The following FAM13B variants were observed in gnomAD, a reference collection of about 807,000 sequenced individuals.
FAM13B encodes family with sequence similarity 13 member B, also known as protein FAM13B.
A neutral mutation model predicts 117.3 loss-of-function variants in FAM13B; 60 were observed. That is an observed-to-expected ratio of 0.51 (90% CI 0.42 to 0.63). FAM13B has a LOEUF of 0.63. FAM13B is among the 30% of genes least tolerant of loss of function. The pLI is 0.00. For missense variants in FAM13B, 972 were observed against 1,091.9 expected (o/e 0.89, Z 1.55); for synonymous variants, 332 against 356.1 (o/e 0.93, Z 0.76).
chr5:138,011,289 T>G, intron 5 of FAM13B, 140 bp from the exon 6 acceptor site: 1 of 743,910 alleles, frequency 1.3e-6, no homozygotes, highest in Non-Finnish European at 2.2e-6. Context: ...CTGTAAAACC[T>G]ACCTAATTTG....
rs541956385 is a variant in FAM13B, at chr5:137,994,853, T to A, written c.849-6538A>T. ...AATCATCTTGAGAACATAAGATCAATCTTGCAACCACTTACTCCAGTCACT... is the reference window on the plus strand; with the variant it reads ...AATCATCTTGAGAACATAAGATCAAACTTGCAACCACTTACTCCAGTCACT... On this transcript the variant is annotated intron_variant, in intron 7 of 23. Transcript: ENST00000689681. 9.2e-5 allele frequency among the ~76,000 whole-genome samples: 14 copies of A among 152,356 alleles called. No homozygotes were observed. In the East Asian group the frequency reaches 2.7e-3, roughly 29 times the overall value.
chr5:137,942,642 C>A, intron 22 of FAM13B: 1 of 461,766 alleles, frequency 2.2e-6, no homozygotes, highest in Admixed American at 4.0e-5. Flanking sequence ...GGATTATAGG[C>A]ATGAGCCACT....
At chr5:137,968,898 C>T (rs377495156) in intron 10 of FAM13B, among the ~76,000 whole-genome samples, 4 of 152,200 alleles carry the variant, frequency 2.6e-5, no homozygotes, top group African/African-American at 7.2e-5. Flanking sequence ...TACGCTTTTC[C>T]GACGGGCTTA....
At chr5:138,021,579 A>C (rs1786724932) in intron 1 of FAM13B, among the ~76,000 whole-genome samples, 1 of 152,212 alleles carries the variant, frequency 6.6e-6, no homozygotes, top group Non-Finnish European at 1.5e-5. Flanking sequence ...TCAAAAGATC[A>C]AAGAATCAAA....
chr5:137,982,573 T>C (rs1281839104), intron 10 of FAM13B, among the ~76,000 whole-genome samples: 1 of 152,010 alleles, frequency 6.6e-6, no homozygotes, highest in East Asian at 1.9e-4. Context: ...ATCTACCCTA[T>C]ACCTGGATGA....
intron 10 of FAM13B, among the ~76,000 whole-genome samples, chr5:137,974,623 A>T (rs35051918): frequency 0.41 from 58,525 of 141,776 alleles, 11,999 homozygotes; most frequent in East Asian, 0.66. Context: ...AATAAATAAA[A>T]AAAAGAAAAA....
At position 137,940,105 on chromosome 5, in the gene FAM13B, G is replaced by C. The variant is rs1209901201; in HGVS notation, c.*120C>G. 8.7e-6 allele frequency: 14 copies of C among 1,613,970 alleles called. No homozygotes were observed. The highest frequency in any genetic ancestry group is 1.1e-5 in the Non-Finnish European group (13 of 1,180,002). ...TTTTGTTTAGTGGCACCACAACCAA[G>C]TACAAAATGAGATTCTCTGAGTGCC... On this transcript the variant is annotated 3_prime_UTR_variant, in exon 24 of 24. Coordinates refer to ENST00000689681, the MANE Select transcript of FAM13B (RefSeq NM_001385994.1).
chr5:138,040,528 C>T (rs747176283), intron 1 of FAM13B, among the ~76,000 whole-genome samples: 1 of 151,854 alleles, frequency 6.6e-6, no homozygotes, highest in African/African-American at 2.4e-5. Context: ...GCCGAGATCG[C>T]GCCACTGCAC....
chr5:138,034,484 A>G (rs1456602815), upstream of FAM13B, among the ~76,000 whole-genome samples: 1 of 152,222 alleles, frequency 6.6e-6, no homozygotes, highest in Non-Finnish European at 1.5e-5. Flanking sequence ...TACATACCCA[A>G]TAAGAAGGGA....
chr5:138,003,005 C>T (rs1214014597), intron 7 of FAM13B, among the ~76,000 whole-genome samples: 1 of 151,940 alleles, frequency 6.6e-6, no homozygotes, highest in Non-Finnish European at 1.5e-5. Flanking sequence ...TGCTTCATTC[C>T]ACTTCAATTT....
chr5:137,942,247 G>C, intron 22 of FAM13B: 1 of 577,958 alleles, frequency 1.7e-6, no homozygotes, highest in Non-Finnish European at 3.1e-6. Flanking sequence ...TGAAGTCAGG[G>C]CTCAGAACCA....
At chr5:138,013,100 G>A (rs1784443543) in intron 4 of FAM13B, among the ~76,000 whole-genome samples, 1 of 152,162 alleles carries the variant, frequency 6.6e-6, no homozygotes, top group Non-Finnish European at 1.5e-5. Context: ...CTACTCAGGA[G>A]GCTGAGGTGA....
At chr5:137,961,961 T>C (rs1768240704) in intron 11 of FAM13B, among the ~76,000 whole-genome samples, 1 of 152,190 alleles carries the variant, frequency 6.6e-6, no homozygotes, top group Non-Finnish European at 1.5e-5. Context: ...AAGCACCAGC[T>C]GCCTAAGAGT....
chr5:137,959,732 G>A lies in FAM13B; in HGVS notation c.1325C>T (p.Ala442Val). 6.2e-7 allele frequency: 1 copy of A among 1,613,710 alleles called. No homozygotes were observed. Among genetic ancestry groups the A allele is most frequent in the Non-Finnish European group, 8.5e-7 (1 of 1,179,766 alleles). ...TCCTGGTACTTCTGATTCAGTGTTG[G>A]CATTCAAATCACATATCTTGCTACT... ...DSSSKICDLN[A>V]NTESEVPGGQ... Residue 442 changes from alanine (A) to valine (V), a missense_variant, in exon 13 of 24, where the codon GCC becomes GTC. Transcript: ENST00000689681.
chr5:137,944,209 T>C (rs920595479), intron 20 of FAM13B, among the ~76,000 whole-genome samples: 1 of 152,244 alleles, frequency 6.6e-6, no homozygotes, highest in Non-Finnish European at 1.5e-5. Context: ...CATTGTTTTT[T>C]ATGGCTGAAG....
At chr5:137,976,114 G>C (rs975296761) in intron 10 of FAM13B, among the ~76,000 whole-genome samples, 1 of 151,560 alleles carries the variant, frequency 6.6e-6, no homozygotes, top group East Asian at 1.9e-4. Context: ...CTGCCACCAC[G>C]CCTGGCTAAT....
At chr5:138,020,946 TAAATC>T in intron 2 of FAM13B, 80 bp downstream of exon 2, 1 of 911,438 alleles carries the variant, frequency 1.1e-6, no homozygotes, top group Non-Finnish European at 1.4e-6. Context: ...AACCTCAAGT[TAAATC>T]AAATAGCAGC....
intron 1 of FAM13B, among the ~76,000 whole-genome samples, chr5:138,047,288 T>C (rs1280625907): frequency 6.6e-6 from 1 of 150,564 alleles, no homozygotes; most frequent in Non-Finnish European, 1.5e-5. Context: ...GGGTGGATCA[T>C]GAGGTCGGGA....
At chr5:138,030,510 G>A (rs1789609136) in intron 1 of FAM13B, among the ~76,000 whole-genome samples, 1 of 151,136 alleles carries the variant, frequency 6.6e-6, no homozygotes, top group African/African-American at 2.4e-5. Context: ...GCCTCCCAAA[G>A]TGCTGGGATT....
Sources: allele counts gnomAD v4.1 joint callset (sites outside exome capture counted in the v4.1 genomes callset), GRCh38; gene constraint gnomAD v4.1.1; transcripts MANE v1.5; gene names NCBI Gene and HGNC (gene_info 2026-07-23, HGNC 2026-07-21).